The following SSBP3 variants were observed in gnomAD, a reference collection of about 807,000 sequenced individuals.
The protein encoded by SSBP3 is single stranded DNA binding protein 3.
A neutral mutation model predicts 69.6 loss-of-function variants in SSBP3; 5 were observed. The ratio of observed to expected loss-of-function variants is 0.07; its 90% CI spans 0.04 to 0.15. SSBP3 has a LOEUF of 0.15. Among genes scored for constraint, SSBP3 ranks in the 10% least tolerant of loss-of-function variants. The pLI is 1.00. For synonymous variants in SSBP3, 196 were observed against 193.4 expected (o/e 1.01, Z -0.11); for missense variants, 312 against 534.0 (o/e 0.58, Z 4.10).
At chr1:54,293,609 C>T (rs1477007834) in intron 4 of SSBP3, among the ~76,000 whole-genome samples, 2 of 152,234 alleles carry the variant, frequency 1.3e-5, no homozygotes, top group Non-Finnish European at 2.9e-5. Context: ...AGCAACCACC[C>T]TCTGCACAGG....
chr1:54,294,414 C>T (rs1645668419), intron 4 of SSBP3, among the ~76,000 whole-genome samples: 1 of 106,248 alleles, frequency 9.4e-6, no homozygotes, highest in South Asian at 3.7e-4. Flanking sequence ...GCCACATCTC[C>T]CAGATCCATT....
At chr1:54,249,229 A>G (rs916985997) in intron 9 of SSBP3, among the ~76,000 whole-genome samples, 1 of 152,246 alleles carries the variant, frequency 6.6e-6, no homozygotes, top group Non-Finnish European at 1.5e-5. Context: ...CAGTGTTACG[A>G]TGGTCCTAAC....
chr1:54,346,818 GAA>G (rs113297349), intron 4 of SSBP3, among the ~76,000 whole-genome samples: 2 of 133,506 alleles, frequency 1.5e-5, no homozygotes, highest in Non-Finnish European at 3.3e-5. Flanking sequence ...CCATCTCAAG[GAA>G]AAAAAAAAAA....
At chr1:54,266,213 G>A (rs554865692) in intron 5 of SSBP3, among the ~76,000 whole-genome samples, 1 of 152,334 alleles carries the variant, frequency 6.6e-6, no homozygotes, top group African/African-American at 2.4e-5. Context: ...CTGCTTCAAA[G>A]TCTAGGCTGG....
chr1:54,285,876 T>C (rs1182396612), intron 4 of SSBP3, among the ~76,000 whole-genome samples: 2 of 152,228 alleles, frequency 1.3e-5, no homozygotes, highest in African/African-American at 4.8e-5. Flanking sequence ...ATCTCCTAGC[T>C]GGGAGCCCAC....
At chr1:54,395,389 T>C (rs1648791779) in intron 4 of SSBP3, among the ~76,000 whole-genome samples, 1 of 152,230 alleles carries the variant, frequency 6.6e-6, no homozygotes, top group Non-Finnish European at 1.5e-5. Context: ...CCAAGCTGCA[T>C]GCCCTCTGGG....
intron 4 of SSBP3, among the ~76,000 whole-genome samples, chr1:54,336,702 T>C (rs764948519): frequency 1.3e-5 from 2 of 152,250 alleles, no homozygotes; most frequent in African/African-American, 2.4e-5. Flanking sequence ...ACATTTGGAA[T>C]ACTAACTGCA....
At chr1:54,289,012 T>A (rs1645545735) in intron 4 of SSBP3, among the ~76,000 whole-genome samples, 2 of 110,158 alleles carry the variant, frequency 1.8e-5, no homozygotes, top group African/African-American at 3.6e-5. Flanking sequence ...AGAGCTAGAC[T>A]CTGTCTCCAA....
At chr1:54,239,937 C>T (rs1314837601) in intron 13 of SSBP3, among the ~76,000 whole-genome samples, 2 of 152,128 alleles carry the variant, frequency 1.3e-5, no homozygotes, top group South Asian at 2.1e-4. Flanking sequence ...GGGCAGAAAT[C>T]CAGCTACCTC....
intron 4 of SSBP3, among the ~76,000 whole-genome samples, chr1:54,400,914 C>A (rs974443132): frequency 6.6e-6 from 1 of 152,194 alleles, no homozygotes; most frequent in Admixed American, 6.5e-5. Context: ...CTCCCAAGGA[C>A]CCATGGTTTC....
rs372143243 is a variant in SSBP3, at chr1:54,308,002, T to C, written c.277-26475A>G. On this transcript the variant is annotated intron_variant, in intron 4 of 17. Coordinates refer to ENST00000610401, the Ensembl canonical transcript of SSBP3. ...TGTACTGTGAACTCGCCCTGAATTCTTTCTTGTGCGAGATCCAAGAACCCT... is the reference window on the plus strand; with the variant it reads ...TGTACTGTGAACTCGCCCTGAATTCCTTCTTGTGCGAGATCCAAGAACCCT... Among the ~76,000 whole-genome samples, 158 of 152,348 alleles carry C rather than the reference T, an allele frequency of 1.0e-3. 3 individuals carry two copies. In the South Asian group the frequency reaches 0.026, roughly 25 times the overall value.
At chr1:54,341,477 G>A (rs904406161) in intron 4 of SSBP3, among the ~76,000 whole-genome samples, 2 of 152,106 alleles carry the variant, frequency 1.3e-5, no homozygotes, top group African/African-American at 4.8e-5. Flanking sequence ...ATGGGCCAAA[G>A]AGAATAGATG....
At chr1:54,277,182 T>C (rs1053409280) in intron 5 of SSBP3, among the ~76,000 whole-genome samples, 12 of 149,182 alleles carry the variant, frequency 8.0e-5, no homozygotes, top group Non-Finnish European at 7.5e-5. Flanking sequence ...GCAAAGAGGA[T>C]ATGTACCACC....
chr1:54,234,692 C>A lies in SSBP3; in HGVS notation c.927+4437G>T, dbSNP rs539790241. On this transcript the variant is annotated intron_variant, in intron 14 of 17. Transcript: ENST00000610401. Reference sequence around the variant, plus strand: ...CTGCCCTAGGATACATTAGAACATTCTGCTCTGCTTTCTTTCCCACTGGTC... The same window carrying A: ...CTGCCCTAGGATACATTAGAACATTATGCTCTGCTTTCTTTCCCACTGGTC... 1.7e-4 allele frequency among the ~76,000 whole-genome samples: 26 copies of A among 152,198 alleles called. No individual in the cohort carries two copies. The South Asian group carries it at 5.4e-3, about 32-fold the overall frequency.
chr1:54,406,980 C>T (rs1267071049), upstream of SSBP3, among the ~76,000 whole-genome samples: 2 of 152,108 alleles, frequency 1.3e-5, no homozygotes, highest in Non-Finnish European at 1.5e-5. Context: ...CCCGGGCCTC[C>T]CTCTCGCCCA....
At chr1:54,366,857 G>T (rs756371146) in intron 4 of SSBP3, among the ~76,000 whole-genome samples, 2 of 152,110 alleles carry the variant, frequency 1.3e-5, no homozygotes, top group Non-Finnish European at 2.9e-5. Context: ...AATCTTCCTG[G>T]ACCGAAAGCT....
rs374596557 is a variant in SSBP3 at position 54,238,199 on chromosome 1, G to A, written c.927+930C>T. 68 of 471,074 alleles carry A rather than the reference G, an allele frequency of 1.4e-4. 2 individuals carry two copies. In the East Asian group the frequency reaches 1.5e-3, roughly 10 times the overall value. The allele number at this position is 471,074 out of a possible 1,614,324, so 29.2% of individuals were successfully genotyped here. On this transcript the variant is annotated intron_variant, in intron 14 of 17. Transcript: ENST00000610401. ...CAATATCCAGCACAGGGCAGCCCGC[G>A]CTCGGGGTTTAACACGTGGGGTGAT... is the stretch of plus-strand genomic sequence containing the variant.
At chr1:54,309,328 T>A (rs765465664) in intron 4 of SSBP3, among the ~76,000 whole-genome samples, 49 of 152,326 alleles carry the variant, frequency 3.2e-4, no homozygotes, top group Non-Finnish European at 5.7e-4. Flanking sequence ...TAATGAGAGC[T>A]GATGATACTG....
intron 10 of SSBP3, 148 bp from the exon 11 acceptor site, chr1:54,242,360 A>T: frequency 1.3e-6 from 1 of 754,246 alleles, no homozygotes. Flanking sequence ...GGCTCAGGGC[A>T]GTAATGGGTA....
Sources: allele counts gnomAD v4.1 joint callset (sites outside exome capture counted in the v4.1 genomes callset), GRCh38; gene constraint gnomAD v4.1.1; transcripts MANE v1.5; gene names NCBI Gene and HGNC (gene_info 2026-07-23, HGNC 2026-07-21).